Variants in CDKN2A observed in about 807,000 individuals in gnomAD.
CDKN2A encodes cyclin-dependent kinase inhibitor 2A.
Under a neutral mutation model 11.1 loss-of-function variants are expected in CDKN2A, and 3 were observed. The ratio of observed to expected loss-of-function variants is 0.27; its 90% CI spans 0.12 to 0.70. The LOEUF is 0.70. CDKN2A is among the 30% of genes least tolerant of loss of function. The probability of loss-of-function intolerance (pLI) is 0.77; values close to 1 mark genes in which losing one functional copy is unlikely to be tolerated. For missense variants in CDKN2A, 265 were observed against 233.6 expected (o/e 1.13, Z -0.88); for synonymous variants, 122 against 108.1 (o/e 1.13, Z -0.80).
intron 2 of CDKN2A, chr9:21,969,816 AGG>A (rs1336792971): frequency 4.3e-6 from 1 of 232,070 alleles, no homozygotes; most frequent in East Asian, 6.9e-5. Context: ...GGCGGGGGGG[AGG>A]GGAGGAGGGG....
upstream of CDKN2A, among the ~76,000 whole-genome samples, chr9:21,978,580 T>G (rs920364913): frequency 2.0e-5 from 3 of 152,164 alleles, no homozygotes; most frequent in Non-Finnish European, 4.4e-5. Context: ...TTGGTTATTG[T>G]TATTATTATT....
At position 21,991,307 on chromosome 9, in the gene CDKN2A, T is replaced by A. The variant is rs187114307; in HGVS notation, c.-4+2575A>T. 1.6e-4 allele frequency among the ~76,000 whole-genome samples: 25 copies of A among 152,186 alleles called. No individual in the cohort carries two copies. Among genetic ancestry groups the A allele is most frequent in the Middle Eastern group, 6.8e-3 (2 of 294 alleles). On this transcript the variant is annotated intron_variant, in intron 2 of 3. Transcript: ENST00000494262. The surrounding 1 kb of genome is among the most constrained non-coding windows in gnomAD (Gnocchi z 5.2). ...TAAAGTATCATGAGTTTTTTTTTTT[T>A]TTTAAGCTCATCAGCTATTGTTAGT...
rs1819539389 is a variant in CDKN2A at position 21,968,784 on chromosome 9, G to T, written c.458-542C>A. Reference sequence around the variant, plus strand: ...TTTCCGATCATTTCTGAAACAAAATGGATGCTCATTTATTCATGTGCTCTG... The same window carrying T: ...TTTCCGATCATTTCTGAAACAAAATTGATGCTCATTTATTCATGTGCTCTG... On this transcript the variant is annotated intron_variant, in intron 2 of 2. Coordinates refer to ENST00000304494, the MANE Select transcript of CDKN2A (RefSeq NM_000077.5). The surrounding 1 kb of genome is among the most constrained non-coding windows in gnomAD (Gnocchi z 4.7). 6.5e-7 allele frequency: 1 copy of T among 1,535,840 alleles called. No homozygotes were observed. The highest frequency in any genetic ancestry group is 1.4e-5 in the African/African-American group (1 of 73,030).
rs1421611547 is a variant in CDKN2A at position 21,990,984 on chromosome 9, A to G, written c.-4+2898T>C. Reference sequence around the variant, plus strand: ...GGATTAATCTCATTGGGCAACAAATAGAGAAGATATTAGTAGTTAGGTATA... The same window carrying G: ...GGATTAATCTCATTGGGCAACAAATGGAGAAGATATTAGTAGTTAGGTATA... On this transcript the variant is annotated intron_variant, in intron 2 of 3. Coordinates refer to the CDKN2A transcript ENST00000494262. Among the ~76,000 whole-genome samples the G allele has an allele frequency of 2.6e-5, 4 of 152,354 alleles. No individual in the cohort carries two copies. In the East Asian group the frequency reaches 7.7e-4, roughly 29 times the overall value.
At chr9:21,992,824 G>A (rs897483281) in intron 2 of CDKN2A, among the ~76,000 whole-genome samples, 8 of 151,400 alleles carry the variant, frequency 5.3e-5, no homozygotes, top group African/African-American at 1.9e-4. Flanking sequence ...TTGCTGATAC[G>A]GATAAACCAC....
At position 21,971,121 on chromosome 9, in the gene CDKN2A, G is replaced by A. The variant is rs121913388; in HGVS notation, c.238C>T (p.Arg80Ter). ...TCCCGGGCAGCGTCGTGCACGGGTC[G>A]GGTGAGAGTGGCGGGGTCGGCGCAG... ...PNCADPATLTRPVHDAAREGF... is the reference protein window; with the variant it reads ...PNCADPATLT Residue 80 changes from arginine to a stop codon, truncating the protein, a stop_gained, in exon 2 of 3, where the codon CGA becomes TGA. Coordinates refer to ENST00000304494, the MANE Select transcript of CDKN2A (RefSeq NM_000077.5). LOFTEE classifies it high-confidence loss of function. The A allele has an allele frequency of 6.2e-7, 1 of 1,603,816 alleles. No homozygotes were observed. The highest frequency in any genetic ancestry group is 8.5e-7 in the Non-Finnish European group (1 of 1,179,498).
upstream of CDKN2A, among the ~76,000 whole-genome samples, chr9:21,976,233 G>C (rs1324887263): frequency 2.6e-5 from 4 of 151,914 alleles, no homozygotes; most frequent in African/African-American, 9.7e-5. Flanking sequence ...ACAAAAATTA[G>C]CTGGCCATGG....
exon 2 of CDKN2A, chr9:21,993,995 T>G: frequency 2.3e-6 from 2 of 880,590 alleles, no homozygotes; most frequent in Non-Finnish European, 3.6e-6. Flanking sequence ...GTCTAAGTCG[T>G]TGTAACCCGA....
At position 21,970,782 on chromosome 9, in the gene CDKN2A, C is replaced by T. The variant is rs1032152460; in HGVS notation, c.457+120G>A. 153 of 1,262,696 alleles carry T rather than the reference C, an allele frequency of 1.2e-4. No homozygotes were observed. In the African/African-American group the frequency reaches 1.9e-3, roughly 15 times the overall value. The allele number at this position is 1,262,696 out of a possible 1,614,324, so 78.2% of individuals were successfully genotyped here. On this transcript the variant is annotated intron_variant, in intron 2 of 2. Transcript: ENST00000304494. ...AGACTCAGGCCGTCCCACCGATTGG[C>T]GCGTGAGCTGAGGCAAGACCGGAGA...
chr9:21,993,843 G>T (rs1383838652), intron 2 of CDKN2A: 2 of 457,912 alleles, frequency 4.4e-6, no homozygotes, highest in Admixed American at 3.5e-5. Context: ...GTGTGTGTGT[G>T]TGTCTTAGTC....
chr9:21,985,825 C>A (rs528537689), intron 2 of CDKN2A, among the ~76,000 whole-genome samples: 1 of 151,918 alleles, frequency 6.6e-6, no homozygotes, highest in Non-Finnish European at 1.5e-5. Flanking sequence ...CACCTTGGAA[C>A]ATACCAGGAG....
chr9:21,992,170 G>T (rs1476600875), intron 2 of CDKN2A: 3 of 811,682 alleles, frequency 3.7e-6, no homozygotes, highest in Non-Finnish European at 4.5e-6. Context: ...TATTTGCAAT[G>T]ATATTAAATA....
At chr9:21,969,253 T>G (rs530127955) in intron 2 of CDKN2A, among the ~76,000 whole-genome samples, 1 of 152,232 alleles carries the variant, frequency 6.6e-6, no homozygotes, top group South Asian at 2.1e-4. Flanking sequence ...CCAGGCGTCG[T>G]GGCGTGCACC....
upstream of CDKN2A, among the ~76,000 whole-genome samples, chr9:21,977,542 T>G (rs1820068577): frequency 1.3e-5 from 2 of 152,118 alleles, no homozygotes; most frequent in Non-Finnish European, 2.9e-5. Flanking sequence ...ATTTTTGTAT[T>G]ATTAGTAGAG....
chr9:21,978,734 T>C (rs1820100297), upstream of CDKN2A, among the ~76,000 whole-genome samples: 1 of 152,196 alleles, frequency 6.6e-6, no homozygotes, highest in Admixed American at 6.5e-5. Flanking sequence ...CTACCACCTG[T>C]TCATTCATTC....
At chr9:21,987,396 A>AACAC (rs375380204) in intron 2 of CDKN2A, among the ~76,000 whole-genome samples, 14,675 of 89,106 alleles carry the variant, frequency 0.16, 1,400 homozygotes, top group African/African-American at 0.26. Flanking sequence ...CCCTTATTAC[A>AACAC]ACACACACAC....
upstream of CDKN2A, among the ~76,000 whole-genome samples, chr9:21,978,257 T>TA (rs1326263329): frequency 2.6e-5 from 4 of 151,888 alleles, no homozygotes; most frequent in African/African-American, 9.7e-5. Flanking sequence ...CTCTAAAACT[T>TA]AAAGTATAAA....
At chr9:21,989,117 G>T (rs1820365634) in intron 2 of CDKN2A, among the ~76,000 whole-genome samples, 1 of 152,154 alleles carries the variant, frequency 6.6e-6, no homozygotes, top group Non-Finnish European at 1.5e-5. Context: ...ATTGACATTT[G>T]GTAGCTTCGA....
upstream of CDKN2A, among the ~76,000 whole-genome samples, chr9:21,979,351 A>G (rs1468750002): frequency 6.6e-6 from 1 of 152,196 alleles, no homozygotes; most frequent in African/African-American, 2.4e-5. Flanking sequence ...TCAAGGCCCT[A>G]TGCCATGAAG....
Sources: gnomAD v4.1 joint callset for allele counts (sites outside exome capture counted in the v4.1 genomes callset) on GRCh38, gnomAD v4.1.1 for gene constraint, Gnocchi (gnomAD v3.1) non-coding constraint, MANE v1.5 for transcripts, NCBI Gene and HGNC (gene_info 2026-07-23, HGNC 2026-07-21) for gene names.